The following SIPA1L3 variants were observed in gnomAD, a reference collection of about 807,000 sequenced individuals.
SIPA1L3 encodes signal induced proliferation associated 1 like 3, also known as signal-induced proliferation-associated 1-like protein 3.
A neutral mutation model predicts 150.1 loss-of-function variants in SIPA1L3; 59 were observed. The ratio of observed to expected loss-of-function variants is 0.39; its 90% CI spans 0.32 to 0.49. The LOEUF (loss-of-function observed/expected upper bound fraction) is 0.49, where lower values mean the gene tolerates loss of function less well. Ranked by LOEUF, SIPA1L3 falls within the 20% of genes least tolerant of loss-of-function variation. The pLI is 0.86. For missense variants in SIPA1L3, 2,211 were observed against 2,489.5 expected, an observed-to-expected ratio of 0.89 and a Z score of 2.38; for synonymous variants, 1,070 against 1,077.6, an observed-to-expected ratio of 0.99 and a Z score of 0.14.
chr19:38,025,648 C>A (rs1968492754), intron 1 of SIPA1L3, among the ~76,000 whole-genome samples: 1 of 152,098 alleles, frequency 6.6e-6, no homozygotes, highest in South Asian at 2.1e-4. Context: ...ATTAGAGTGG[C>A]GGGAAAGCAA....
At chr19:38,056,856 G>T (rs1969328519) in intron 2 of SIPA1L3, among the ~76,000 whole-genome samples, 1 of 151,998 alleles carries the variant, frequency 6.6e-6, no homozygotes, top group African/African-American at 2.4e-5. Flanking sequence ...TCAGGAGTTG[G>T]AGACCGCCCG....
intron 15 of SIPA1L3, 117 bp from the exon 16 acceptor site, chr19:38,182,402 G>T: frequency 1.3e-6 from 1 of 761,146 alleles, no homozygotes; most frequent in South Asian, 1.7e-5. Flanking sequence ...TAATATATTT[G>T]TGTCTGTCTT....
rs559071069 is a variant in SIPA1L3, at chr19:38,059,338, G to A, written c.-310-21918G>A. On this transcript the variant is annotated intron_variant, in intron 2 of 21. Coordinates refer to ENST00000222345, the MANE Select transcript of SIPA1L3 (RefSeq NM_015073.3). ...TTTTTTTTTTTTTTTTTTTTGAGACGGAGTCTCGCTCTGTTGCCCAGGCTG... is the reference window on the plus strand; with the variant it reads ...TTTTTTTTTTTTTTTTTTTTGAGACAGAGTCTCGCTCTGTTGCCCAGGCTG... Among the ~76,000 whole-genome samples, 356 of 127,726 alleles carry A rather than the reference G, an allele frequency of 2.8e-3. 2 individuals are homozygous for A. Among genetic ancestry groups the A allele is most frequent in the African/African-American group, 0.01 (327 of 32,642 alleles). 83.8% of individuals were successfully genotyped at this position (127,726 alleles called of 152,430 possible). A position where few individuals can be genotyped will look rare whatever the true frequency, so the allele number is the denominator to read the frequency against.
intron 9 of SIPA1L3, among the ~76,000 whole-genome samples, chr19:38,120,121 T>G (rs1285893013): frequency 6.6e-6 from 1 of 152,108 alleles, no homozygotes; most frequent in African/African-American, 2.4e-5. Flanking sequence ...CAAGAGATAC[T>G]TATTAACCTT....
At chr19:37,939,087 C>A (rs1421325532) in intron 1 of SIPA1L3, among the ~76,000 whole-genome samples, 1 of 152,150 alleles carries the variant, frequency 6.6e-6, no homozygotes, top group African/African-American at 2.4e-5. Flanking sequence ...TTCCATGATA[C>A]CTTTTTGTGT....
intron 16 of SIPA1L3, among the ~76,000 whole-genome samples, chr19:38,191,215 T>C (rs1342242776): frequency 1.3e-5 from 2 of 151,696 alleles, no homozygotes; most frequent in Admixed American, 1.3e-4. Flanking sequence ...GGGACTAGCC[T>C]GGGCAACCTA....
intron 6 of SIPA1L3, among the ~76,000 whole-genome samples, chr19:38,103,080 A>ACT (rs1970543168): frequency 6.6e-6 from 1 of 151,196 alleles, no homozygotes; most frequent in African/African-American, 2.4e-5. Context: ...CCAAGACCGC[A>ACT]CCATTGCACT....
chr19:37,973,897 G>C (rs1317909740), intron 1 of SIPA1L3, among the ~76,000 whole-genome samples: 1 of 152,154 alleles, frequency 6.6e-6, no homozygotes, highest in African/African-American at 2.4e-5. Flanking sequence ...CTATGTGTCA[G>C]ACTCCACCCT....
chr19:38,192,020 C>A, intron 16 of SIPA1L3, 125 bp from the exon 17 acceptor site: 1 of 837,914 alleles, frequency 1.2e-6, no homozygotes, highest in Non-Finnish European at 1.8e-6. Context: ...CACGCGTTTG[C>A]TGGGTGAAGG....
rs184463564 is a variant in SIPA1L3 at position 38,190,902 on chromosome 19, G to T, written c.4431-1243G>T. ...AATGTGGCTGTTCCCCACACCATAC[G>T]TGTTTCCTGCCATCTCTGATATACA... On this transcript the variant is annotated intron_variant, in intron 16 of 21. Transcript: ENST00000222345. 1.3e-3 allele frequency among the ~76,000 whole-genome samples: 205 copies of T among 152,252 alleles called. 1 individual carries two copies. Among genetic ancestry groups the T allele is most frequent in the Admixed American group, 0.012 (185 of 15,286 alleles).
chr19:38,188,181 T>C (rs1299055091), intron 16 of SIPA1L3, among the ~76,000 whole-genome samples: 4 of 151,086 alleles, frequency 2.6e-5, no homozygotes, highest in Non-Finnish European at 5.9e-5. Context: ...TTTGTTGTTG[T>C]GGTGGTGGTG....
In SIPA1L3 at chr19:38,164,996, G is replaced by C; in HGVS notation, c.4208+90G>C. ...CCTGATGGTGGGGTTCTCCTCCCCA[G>C]AAACACACTCACGGATGAATGCGCC... On this transcript the variant is annotated intron_variant, in intron 15 of 21. Coordinates refer to ENST00000222345, the MANE Select transcript of SIPA1L3 (RefSeq NM_015073.3). This position sits in a 1 kb window ranked among gnomAD's most constrained non-coding sequence, Gnocchi z 4.1. 8.0e-7 allele frequency: 1 copy of C among 1,243,068 alleles called. No homozygotes were observed. The highest frequency in any genetic ancestry group is 1.1e-6 in the Non-Finnish European group (1 of 920,222). 77.0% of individuals were successfully genotyped at this position (1,243,068 alleles called of 1,614,324 possible).
intron 2 of SIPA1L3, among the ~76,000 whole-genome samples, chr19:38,041,557 G>A (rs963542632): frequency 2.0e-4 from 31 of 151,840 alleles, no homozygotes; most frequent in African/African-American, 5.3e-4. Context: ...GATTACAGGC[G>A]TGAGCCACCG....
Position 38,082,277 on chromosome 19 carries a change from C to G in SIPA1L3, c.712C>G (p.Leu238Val), listed in dbSNP as rs748264200. ...EQPDARGCQA[L>V]TELLRADPGP... ...GCCCGACGCCCGAGGGTGCCAGGCC[C>G]TCACCGAGCTCCTCCGGGCAGATCC... is the stretch of plus-strand genomic sequence containing the variant. The change falls in exon 3 of 22, where the codon CTC (leucine) becomes GTC (valine). Residue 238 changes from leucine (L) to valine (V), a missense_variant. By Grantham distance (32) the Leu-to-Val change is conservative (BLOSUM62 1). Transcript: ENST00000222345. 2 of 1,600,144 alleles carry G rather than the reference C, an allele frequency of 1.2e-6. No homozygotes were observed. The highest frequency in any genetic ancestry group is 1.1e-5 in the South Asian group (1 of 91,030).
chr19:37,918,142 C>T (rs1192774822), intron 1 of SIPA1L3, among the ~76,000 whole-genome samples: 1 of 152,026 alleles, frequency 6.6e-6, no homozygotes, highest in Non-Finnish European at 1.5e-5. Flanking sequence ...TGGAACCTTA[C>T]CTCCCAGGAA....
chr19:37,913,676 G>A (rs893514691), intron 1 of SIPA1L3, among the ~76,000 whole-genome samples: 1 of 150,630 alleles, frequency 6.6e-6, no homozygotes, highest in African/African-American at 2.4e-5. Flanking sequence ...GATTACAGGC[G>A]TGAGCCACTG....
In SIPA1L3 at chr19:38,197,970, C is replaced by T. The variant is rs532047739; in HGVS notation, c.4841-419C>T. Among the ~76,000 whole-genome samples, 15 of 151,764 alleles carry T rather than the reference C, an allele frequency of 9.9e-5. 1 individual carries two copies. The East Asian group carries it at 2.9e-3, about 30-fold the overall frequency. The stretch of plus-strand genomic sequence containing the variant: ...CACAGTCGTCACTGGGACCCACAGG[C>T]CCCACACGGTCCGGCCGTGTTGCCT... On this transcript the variant is annotated intron_variant, in intron 18 of 21. Coordinates refer to ENST00000222345, the MANE Select transcript of SIPA1L3 (RefSeq NM_015073.3).
chr19:38,159,532 GAACAAGAGCTCCTGCCCATCGGGCA>G (rs1440083516), intron 13 of SIPA1L3, among the ~76,000 whole-genome samples: 3 of 152,236 alleles, frequency 2.0e-5, no homozygotes, highest in Non-Finnish European at 4.4e-5. Flanking sequence ...ATCATTAGGA[GAACAAGAGCTCCTGCCCATCGGGCA>G]CTCACTCTCC....
At chr19:38,170,658 C>A (rs1972308452) in intron 15 of SIPA1L3, among the ~76,000 whole-genome samples, 1 of 152,150 alleles carries the variant, frequency 6.6e-6, no homozygotes, top group African/African-American at 2.4e-5. Context: ...CGGACGGAGG[C>A]CCATGGGAAA....
Sources: allele counts gnomAD v4.1 joint callset (sites outside exome capture counted in the v4.1 genomes callset), GRCh38; gene constraint gnomAD v4.1.1; non-coding constraint Gnocchi (gnomAD v3.1); transcripts MANE v1.5; gene names NCBI Gene and HGNC (gene_info 2026-07-23, HGNC 2026-07-21).